Variants in MITF observed in about 807,000 individuals in gnomAD.
MITF encodes the protein melanocyte inducing transcription factor.
A neutral mutation model predicts 60.5 loss-of-function variants in MITF; 17 were observed. The observed-to-expected ratio is 0.28, with a 90% CI of 0.19 to 0.42. The LOEUF (loss-of-function observed/expected upper bound fraction) is 0.42. Ranked by LOEUF, MITF falls within the 10% of genes least tolerant of loss-of-function variation. MITF has a pLI of 1.00. For missense variants in MITF, 622 were observed against 683.5 expected, an observed-to-expected ratio of 0.91 and a Z score of 1.00; for synonymous variants, 260 against 248.5, an observed-to-expected ratio of 1.05 and a Z score of -0.43.
At chr3:69,745,835 A>G (rs1038674605) in intron 1 of MITF, among the ~76,000 whole-genome samples, 3 of 152,236 alleles carry the variant, frequency 2.0e-5, no homozygotes, top group Admixed American at 2.0e-4. Flanking sequence ...AATGAGATCA[A>G]TAGAACCCAC....
At chr3:69,893,621 T>C (rs968875739) in intron 2 of MITF, among the ~76,000 whole-genome samples, 1 of 152,154 alleles carries the variant, frequency 6.6e-6, no homozygotes, top group African/African-American at 2.4e-5. Context: ...TCTTGAGAAG[T>C]GACTAGAAGG....
At chr3:69,792,998 CTTTTTTT>C (rs58440406) in intron 1 of MITF, among the ~76,000 whole-genome samples, 71 of 31,092 alleles carry the variant, frequency 2.3e-3, no homozygotes, top group South Asian at 0.014. Context: ...AAGTCTTTAG[CTTTTTTT>C]TTTTTTTTTT....
At chr3:69,814,509 T>G (rs2063150522) in intron 1 of MITF, among the ~76,000 whole-genome samples, 5 of 152,068 alleles carry the variant, frequency 3.3e-5, no homozygotes, top group Admixed American at 3.3e-4. Flanking sequence ...TTTAATGTTT[T>G]GTAGAAACGG....
chr3:69,781,234 C>T (rs535080001), intron 1 of MITF, among the ~76,000 whole-genome samples: 5 of 152,200 alleles, frequency 3.3e-5, no homozygotes, highest in African/African-American at 4.8e-5. Flanking sequence ...TTTGGGTGAG[C>T]ATGTTCTTTT....
chr3:69,958,198 T>C (rs1448069983), intron 8 of MITF, among the ~76,000 whole-genome samples: 1 of 152,234 alleles, frequency 6.6e-6, no homozygotes, highest in Non-Finnish European at 1.5e-5. Flanking sequence ...CAATTCTGAT[T>C]TCTCTTCTTG....
intron 1 of MITF, among the ~76,000 whole-genome samples, chr3:69,840,235 C>T (rs1308337853): frequency 6.6e-6 from 1 of 152,156 alleles, no homozygotes; most frequent in Non-Finnish European, 1.5e-5. Flanking sequence ...ATGGGGTTTG[C>T]TTTCACCCCT....
chr3:69,963,233 A>C (rs1268515289), intron 9 of MITF, among the ~76,000 whole-genome samples: 6 of 152,196 alleles, frequency 3.9e-5, no homozygotes, highest in African/African-American at 1.4e-4. Flanking sequence ...AAAGGAAAAA[A>C]ATTGTTCATC....
chr3:69,739,537 T>A lies in MITF; in HGVS notation c.-61T>A. 1 of 1,455,924 alleles carries A rather than the reference T, an allele frequency of 6.9e-7. No individual in the cohort carries two copies. The highest frequency in any genetic ancestry group is 9.4e-7 in the Non-Finnish European group (1 of 1,060,410). 90.2% of individuals were successfully genotyped at this position (1,455,924 alleles called of 1,614,324 possible). ...TCGGGGGACCCAGGCCCAGCTACCT[T>A]CCCTCCGCCCCCGGGCTCTGTTCTC... is the stretch of plus-strand genomic sequence containing the variant. On this transcript the variant is annotated 5_prime_UTR_variant, in exon 1 of 10. Coordinates refer to ENST00000352241, the MANE Select transcript of MITF (RefSeq NM_001354604.2).
chr3:69,866,114 T>C, intron 1 of MITF: 1 of 1,239,354 alleles, frequency 8.1e-7, no homozygotes, highest in South Asian at 1.8e-5. Context: ...AGGTACTGGA[T>C]TAAACAGGTC....
chr3:69,793,552 A>ATAGCATGCACCCTCTCCCAATCCTC (rs1559633677), intron 1 of MITF, among the ~76,000 whole-genome samples: 1 of 151,932 alleles, frequency 6.6e-6, no homozygotes, highest in African/African-American at 2.4e-5. Flanking sequence ...CCCAATGCTC[A>ATAGCATGCACCCTCTCCCAATCCTC]AGTTATGATG....
intron 6 of MITF, among the ~76,000 whole-genome samples, chr3:69,951,113 T>G (rs1331453841): frequency 2.0e-5 from 3 of 147,394 alleles, no homozygotes; most frequent in Non-Finnish European, 3.1e-5. Context: ...TTTTTTTTTT[T>G]TTGAGACAGG....
At chr3:69,853,736 A>C (rs535621351) in intron 1 of MITF, among the ~76,000 whole-genome samples, 1 of 152,232 alleles carries the variant, frequency 6.6e-6, no homozygotes, top group East Asian at 1.9e-4. Flanking sequence ...GCAAGATTCT[A>C]TGTGACTTCT....
intron 1 of MITF, among the ~76,000 whole-genome samples, chr3:69,863,314 C>G (rs1401702496): frequency 6.6e-6 from 1 of 152,156 alleles, no homozygotes; most frequent in Non-Finnish European, 1.5e-5. Context: ...ATATTTAAGC[C>G]AAGCTTTGGT....
chr3:69,843,297 G>T (rs1210323358), intron 1 of MITF, among the ~76,000 whole-genome samples: 1 of 152,122 alleles, frequency 6.6e-6, no homozygotes, highest in East Asian at 1.9e-4. Flanking sequence ...GAAGGCGTGA[G>T]AAATTTACAT....
intron 1 of MITF, among the ~76,000 whole-genome samples, chr3:69,802,864 T>C (rs557215248): frequency 6.6e-6 from 1 of 151,670 alleles, no homozygotes; most frequent in Non-Finnish European, 1.5e-5. Context: ...GCTAATTTTG[T>C]ATTTTTAGTA....
At chr3:69,927,734 G>A (rs2065626200) in intron 2 of MITF, among the ~76,000 whole-genome samples, 2 of 152,186 alleles carry the variant, frequency 1.3e-5, no homozygotes, top group South Asian at 4.1e-4. Flanking sequence ...ACTGGAGTGG[G>A]ACATGCTGTG....
At chr3:69,866,180 G>C (rs2064110860) in intron 1 of MITF, 1 of 1,553,510 alleles carries the variant, frequency 6.4e-7, no homozygotes, top group African/African-American at 1.4e-5. Flanking sequence ...GTTTGGATTG[G>C]AGTTTCCAGG....
chr3:69,901,213 CA>C (rs201494705), intron 2 of MITF, among the ~76,000 whole-genome samples: 9,054 of 75,184 alleles, frequency 0.12, 409 homozygotes, highest in African/African-American at 0.26. Flanking sequence ...TGTGATTTTT[CA>C]AAAAAAAAAA....
rs1454691300 is a variant in MITF, at chr3:69,739,556, T to C, written c.-42T>C. 3 of 1,524,114 alleles carry C rather than the reference T, an allele frequency of 2.0e-6. No individual in the cohort carries two copies. Among genetic ancestry groups the C allele is most frequent in the East Asian group, 4.9e-5 (2 of 41,134 alleles). The allele number at this position is 1,524,114 out of a possible 1,614,324, so 94.4% of individuals were successfully genotyped here. On this transcript the variant is annotated 5_prime_UTR_variant, in exon 1 of 10. Coordinates refer to ENST00000352241, the MANE Select transcript of MITF (RefSeq NM_001354604.2). ...CTACCTTCCCTCCGCCCCCGGGCTC[T>C]GTTCTCACTTTCCAGCAGTGGAAGG...
Sources: allele counts gnomAD v4.1 joint callset (sites outside exome capture counted in the v4.1 genomes callset), GRCh38; gene constraint gnomAD v4.1.1; transcripts MANE v1.5; gene names NCBI Gene and HGNC (gene_info 2026-07-23, HGNC 2026-07-21).